FIBIN: variants seen among roughly 807,000 people sequenced by gnomAD.
The protein encoded by FIBIN is fin bud initiation factor homolog (zebrafish).
Under a neutral mutation model 13.0 loss-of-function variants are expected in FIBIN, and 8 were observed. The observed-to-expected ratio is 0.62, with a 90% confidence interval of 0.36 to 1.11. The LOEUF (loss-of-function observed/expected upper bound fraction) is 1.11. FIBIN is among the 50% of genes most tolerant of loss of function. The pLI, the probability that FIBIN is intolerant of heterozygous loss-of-function variation, is 0.02. For synonymous variants in FIBIN, 127 were observed against 114.7 expected (o/e 1.11, Z -0.69); for missense variants, 261 against 260.2 (o/e 1.00, Z -0.02).
In FIBIN at chr11:26,994,767, C is replaced by T. The variant is rs886584234; in HGVS notation, c.241C>T (p.Arg81Trp). The change falls in exon 1 of 1, where the codon CGG becomes TGG. Residue 81 changes from arginine (R) to tryptophan (W), a missense_variant. Transcript: ENST00000318627. ...TGGCAGCCTGCTGAGCCTCACCCTGCGGGAGGAGTTCACCGTGCTGGGCCG... is the reference window on the plus strand; with the variant it reads ...TGGCAGCCTGCTGAGCCTCACCCTGTGGGAGGAGTTCACCGTGCTGGGCCG... The part of the protein sequence containing the change: ...QVGSLLSLTL[R>W]EEFTVLGRQV... The T allele has an allele frequency of 1.2e-6, 2 of 1,612,422 alleles. No individual in the cohort carries two copies. The highest frequency in any genetic ancestry group is 1.7e-6 in the Non-Finnish European group (2 of 1,179,196).
rs565116664 is a variant in FIBIN at position 26,995,762 on chromosome 11, C to G, written c.*600C>G. On this transcript the variant is annotated 3_prime_UTR_variant, in exon 1 of 1. Transcript: ENST00000318627. The stretch of plus-strand genomic sequence containing the variant: ...TATTGCCACAAAACTATAGGCAAAT[C>G]GTGTTTGCAGGGAGATTTCTGATGC... 4 of 166,326 alleles carry G rather than the reference C, an allele frequency of 2.4e-5. No homozygotes were observed. Among genetic ancestry groups the G allele is most frequent in the South Asian group, 2.1e-4 (1 of 4,682 alleles). The allele number at this position is 166,326 out of a possible 1,614,324, so 10.3% of individuals were successfully genotyped here. A position where few individuals can be genotyped will look rare whatever the true frequency, so the allele number is the denominator to read the frequency against.
rs767895015 is a variant in FIBIN at position 26,994,480 on chromosome 11, G to A, written c.-47G>A. On this transcript the variant is annotated 5_prime_UTR_variant, in exon 1 of 1. Transcript: ENST00000318627. ...AAAGACACTCCCTTCCTTGTGCCTG[G>A]GTAAAAAGTCTCCTCCTGGGGTCCC... 3 of 1,534,286 alleles carry A rather than the reference G, an allele frequency of 2.0e-6. No individual in the cohort carries two copies. Among genetic ancestry groups the A allele is most frequent in the East Asian group, 2.3e-5 (1 of 44,084 alleles).
Position 26,995,116 on chromosome 11 carries a change from A to G in FIBIN, c.590A>G (p.His197Arg). The change falls in exon 1 of 1, where the codon CAT becomes CGT. Residue 197 changes from histidine (H) to arginine (R), a missense_variant. Transcript: ENST00000318627. ...YELLALTIRS[H>R]GTRLGRLKND... ...CTGCTGGCCCTCACCATTAGGAGCC[A>G]TGGGACCCGACTAGGTCGGCTGAAA... 4 of 1,613,058 alleles carry G rather than the reference A, an allele frequency of 2.5e-6. No homozygotes were observed. Among genetic ancestry groups the G allele is most frequent in the Non-Finnish European group, 3.4e-6 (4 of 1,179,662 alleles).
Position 26,994,997 on chromosome 11 carries a change from G to A in FIBIN, c.471G>A (p.Arg157=). ...AACAGGACAGCCGGCAGGAGAGCAGGCTCAACGAGGACTTTCTGGGAATGC... is the reference window on the plus strand; with the variant it reads ...AACAGGACAGCCGGCAGGAGAGCAGACTCAACGAGGACTTTCTGGGAATGC... The part of the protein sequence containing the change: ...GQEQDSRQES[R]LNEDFLGMLV... The change falls in exon 1 of 1, where the codon AGG becomes AGA. Residue 157 remains arginine (R), a synonymous_variant. Transcript: ENST00000318627. 1 of 1,614,074 alleles carries A rather than the reference G, an allele frequency of 6.2e-7. No individual in the cohort carries two copies. The highest frequency in any genetic ancestry group is 8.5e-7 in the Non-Finnish European group (1 of 1,180,026).
At position 26,994,721 on chromosome 11, in the gene FIBIN, C is replaced by T. The variant is rs1850904690; in HGVS notation, c.195C>T (p.Ser65=). Residue 65 remains serine, a synonymous_variant, in exon 1 of 1, where the codon TCC becomes TCT. Coordinates refer to ENST00000318627, the MANE Select transcript of FIBIN (RefSeq NM_203371.2). ...GGGTGAGTGACCACAGGCGCTGCTC[C>T]CAGGGGGAGGGGAGCCAGGTTGGCA... The part of the protein sequence containing the change: ...LFRVSDHRRC[S]QGEGSQVGSL... 1.9e-6 allele frequency: 3 copies of T among 1,613,596 alleles called. No individual in the cohort carries two copies. In the African/African-American group the frequency reaches 4.0e-5, roughly 22 times the overall value.
chr11:26,995,776 G>A lies in FIBIN; in HGVS notation c.*614G>A, dbSNP rs1850921056. 1 of 167,122 alleles carries A rather than the reference G, an allele frequency of 6.0e-6. No individual in the cohort carries two copies. Among genetic ancestry groups the A allele is most frequent in the Non-Finnish European group, 1.5e-5 (1 of 68,176 alleles). The allele number at this position is 167,122 out of a possible 1,614,324, so 10.4% of individuals were successfully genotyped here. On this transcript the variant is annotated 3_prime_UTR_variant, in exon 1 of 1. Coordinates refer to ENST00000318627, the MANE Select transcript of FIBIN (RefSeq NM_203371.2). ...TATAGGCAAATCGTGTTTGCAGGGA[G>A]ATTTCTGATGCCTCTGTGGGTGTGT...
At position 26,994,325 on chromosome 11, in the gene FIBIN, C is replaced by A. The variant is rs1320233867; in HGVS notation, c.-202C>A. 2 of 535,774 alleles carry A rather than the reference C, an allele frequency of 3.7e-6. No individual in the cohort carries two copies. Among genetic ancestry groups the A allele is most frequent in the African/African-American group, 1.9e-5 (1 of 52,008 alleles). 33.2% of individuals were successfully genotyped at this position (535,774 alleles called of 1,614,324 possible). A position where few individuals can be genotyped will look rare whatever the true frequency, so the allele number is the denominator to read the frequency against. ...GGGGCGCAAGGGTGGGTGCATCCTGCGCTGCGGCGGGCGCGCTACCCAGAC... is the reference window on the plus strand; with the variant it reads ...GGGGCGCAAGGGTGGGTGCATCCTGAGCTGCGGCGGGCGCGCTACCCAGAC... On this transcript the variant is annotated 5_prime_UTR_variant, in exon 1 of 1. Transcript: ENST00000318627.
rs1485984339 is a variant in FIBIN at position 26,996,981 on chromosome 11, G to A, written c.*1819G>A. On this transcript the variant is annotated 3_prime_UTR_variant, in exon 1 of 1. Coordinates refer to ENST00000318627, the MANE Select transcript of FIBIN (RefSeq NM_203371.2). ...ACTTTTTGTTGCTTTCTAGACTTGT[G>A]TGTAGAAAGAAGATTAATGATCACT... is the stretch of plus-strand genomic sequence containing the variant. Among the ~76,000 whole-genome samples the A allele has an allele frequency of 1.3e-5, 2 of 152,096 alleles. No individual in the cohort carries two copies. Among genetic ancestry groups the A allele is most frequent in the African/African-American group, 4.8e-5 (2 of 41,408 alleles).
Position 26,996,057 on chromosome 11 carries a change from A to G in FIBIN, c.*895A>G, listed in dbSNP as rs1590142842. ...GAAACTTGTACTTCAAGTAGGGGGA[A>G]TCCTAATTCTAATAACTCCTTAGCT... On this transcript the variant is annotated 3_prime_UTR_variant, in exon 1 of 1. Transcript: ENST00000318627. 6.0e-6 allele frequency: 1 copy of G among 166,736 alleles called. No individual in the cohort carries two copies. Among genetic ancestry groups the G allele is most frequent in the East Asian group, 1.9e-4 (1 of 5,202 alleles). 10.3% of individuals were successfully genotyped at this position (166,736 alleles called of 1,614,324 possible).
rs1196952655 is a variant in FIBIN at position 26,995,981 on chromosome 11, C to A, written c.*819C>A. On this transcript the variant is annotated 3_prime_UTR_variant, in exon 1 of 1. Coordinates refer to ENST00000318627, the MANE Select transcript of FIBIN (RefSeq NM_203371.2). ...CCACAAATGCCTATGATTTAGGTTA[C>A]CAATGTATTCTTTCTCATTTGGGGT... 4 of 166,354 alleles carry A rather than the reference C, an allele frequency of 2.4e-5. No individual in the cohort carries two copies. In the South Asian group the frequency reaches 8.3e-4, roughly 34 times the overall value. The allele number at this position is 166,354 out of a possible 1,614,324, so 10.3% of individuals were successfully genotyped here.
Position 26,994,717 on chromosome 11 carries a change from G to A in FIBIN, c.191G>A (p.Cys64Tyr), listed in dbSNP as rs1476079164. ...TTCAGGGTGAGTGACCACAGGCGCT[G>A]CTCCCAGGGGGAGGGGAGCCAGGTT... ...LLFRVSDHRR[C>Y]SQGEGSQVGS... The change falls in exon 1 of 1, where the codon TGC (cysteine) becomes TAC (tyrosine). Residue 64 changes from cysteine (C) to tyrosine (Y), a missense_variant. By Grantham distance (194) the Cys-to-Tyr change is radical (BLOSUM62 -2). Coordinates refer to ENST00000318627, the MANE Select transcript of FIBIN (RefSeq NM_203371.2). 1.2e-6 allele frequency: 2 copies of A among 1,613,494 alleles called. No individual in the cohort carries two copies. The highest frequency in any genetic ancestry group is 3.3e-5 in the Admixed American group (2 of 59,966).
Position 26,995,054 on chromosome 11 carries a change from A to G in FIBIN, c.528A>G (p.Thr176=), listed in dbSNP as rs1162852910. 2.5e-6 allele frequency: 4 copies of G among 1,614,142 alleles called. No individual in the cohort carries two copies. In the African/African-American group the frequency reaches 5.3e-5, roughly 22 times the overall value. Residue 176 remains threonine, a synonymous_variant, in exon 1 of 1, where the codon ACA becomes ACG. Coordinates refer to ENST00000318627, the MANE Select transcript of FIBIN (RefSeq NM_203371.2). ...LVHTRSLLKE[T]LDISVGLRDK... is the part of the protein sequence containing the mutation. The stretch of plus-strand genomic sequence containing the variant: ...ACACCAGGTCCCTGCTGAAGGAGAC[A>G]CTGGACATCTCTGTGGGGCTCAGGG...
At position 26,994,845 on chromosome 11, in the gene FIBIN, T is replaced by C; in HGVS notation, c.319T>C (p.Tyr107His). The part of the protein sequence containing the change: ...VLEGISKSIS[Y>H]DLDGEESYGK... ...GGAGGGCATCAGCAAAAGCATCTCC[T>C]ACGACCTAGACGGGGAAGAGAGCTA... Residue 107 changes from tyrosine to histidine, a missense_variant, in exon 1 of 1, where the codon TAC (tyrosine) becomes CAC (histidine). Physicochemically the swap from Tyr to His is moderately conservative, Grantham distance 83 (BLOSUM62 2). Transcript: ENST00000318627. 3 of 1,597,384 alleles carry C rather than the reference T, an allele frequency of 1.9e-6. 1 individual carries two copies. The South Asian group carries it at 3.4e-5, about 18-fold the overall frequency.
At position 26,994,353 on chromosome 11, in the gene FIBIN, T is replaced by G; in HGVS notation, c.-174T>G. The G allele has an allele frequency of 1.7e-6, 1 of 580,268 alleles. No individual in the cohort carries two copies. 35.9% of individuals were successfully genotyped at this position (580,268 alleles called of 1,614,324 possible). The stretch of plus-strand genomic sequence containing the variant: ...TGCGGCGGGCGCGCTACCCAGACGC[T>G]GGTGTGCAGAGCCACATGAAGCCTG... On this transcript the variant is annotated 5_prime_UTR_variant, in exon 1 of 1. Transcript: ENST00000318627.
At position 26,996,803 on chromosome 11, in the gene FIBIN, GC is replaced by G. The variant is rs1850934229; in HGVS notation, c.*1645del. ...GACTTATCCTCCATCAGTTATAACA[GC>G]CCCTGGTCTTCTTAAATTTAAACAC... On this transcript the variant is annotated 3_prime_UTR_variant, in exon 1 of 1. Coordinates refer to ENST00000318627, the MANE Select transcript of FIBIN (RefSeq NM_203371.2). Among the ~76,000 whole-genome samples, 1 of 152,168 alleles carries G rather than the reference GC, an allele frequency of 6.6e-6. No homozygotes were observed. The highest frequency in any genetic ancestry group is 2.1e-4 in the South Asian group (1 of 4,830).
chr11:26,994,756 G>T lies in FIBIN; in HGVS notation c.230G>T (p.Ser77Ile). 2 of 1,613,308 alleles carry T rather than the reference G, an allele frequency of 1.2e-6. No homozygotes were observed. The highest frequency in any genetic ancestry group is 1.7e-6 in the Non-Finnish European group (2 of 1,179,702). The change falls in exon 1 of 1, where the codon AGC becomes ATC. Residue 77 changes from serine to isoleucine, a missense_variant. By Grantham distance (142) the Ser-to-Ile change is moderately radical. Transcript: ENST00000318627. The part of the protein sequence containing the change: ...GEGSQVGSLL[S>I]LTLREEFTVL... ...GGGAGCCAGGTTGGCAGCCTGCTGAGCCTCACCCTGCGGGAGGAGTTCACC... is the reference window on the plus strand; with the variant it reads ...GGGAGCCAGGTTGGCAGCCTGCTGATCCTCACCCTGCGGGAGGAGTTCACC...
At position 26,994,531 on chromosome 11, in the gene FIBIN, T is replaced by G; in HGVS notation, c.5T>G (p.Val2Gly). The G allele has an allele frequency of 1.2e-6, 2 of 1,600,258 alleles. No homozygotes were observed. The highest frequency in any genetic ancestry group is 1.7e-6 in the Non-Finnish European group (2 of 1,171,266). MVFLKFFCMSFF... is the reference protein window; with the variant it reads MGFLKFFCMSFF... ...TGGCCATCCTGAATATCCAGAATGG[T>G]GTTTCTGAAGTTCTTCTGCATGAGT... The change falls in exon 1 of 1, where the codon GTG (valine) becomes GGG (glycine). Residue 2 changes from valine to glycine, a missense_variant. By Grantham distance (109) the Val-to-Gly change is moderately radical. Coordinates refer to ENST00000318627, the MANE Select transcript of FIBIN (RefSeq NM_203371.2).
chr11:26,995,253 C>T lies in FIBIN; in HGVS notation c.*91C>T, dbSNP rs1850913600. The T allele has an allele frequency of 1.5e-6, 2 of 1,295,578 alleles. No individual in the cohort carries two copies. Among genetic ancestry groups the T allele is most frequent in the Admixed American group, 2.6e-5 (1 of 38,798 alleles). The allele number at this position is 1,295,578 out of a possible 1,614,324, so 80.3% of individuals were successfully genotyped here. A position where few individuals can be genotyped will look rare whatever the true frequency, so the allele number is the denominator to read the frequency against. ...AAGATGGGGCTACATTTCCCCCATA[C>T]CTACTATTTTTTTATATCCCGATTT... is the stretch of plus-strand genomic sequence containing the variant. On this transcript the variant is annotated 3_prime_UTR_variant, in exon 1 of 1. Coordinates refer to ENST00000318627, the MANE Select transcript of FIBIN (RefSeq NM_203371.2).
At position 26,994,711 on chromosome 11, in the gene FIBIN, G is replaced by T; in HGVS notation, c.185G>T (p.Arg62Met). 6.2e-7 allele frequency: 1 copy of T among 1,613,714 alleles called. No homozygotes were observed. Among genetic ancestry groups the T allele is most frequent in the African/African-American group, 1.3e-5 (1 of 74,916 alleles). The part of the protein sequence containing the change: ...CQLLFRVSDH[R>M]RCSQGEGSQV... ...CTGCTCTTCAGGGTGAGTGACCACA[G>T]GCGCTGCTCCCAGGGGGAGGGGAGC... The change falls in exon 1 of 1, where the codon AGG (arginine) becomes ATG (methionine). Residue 62 changes from arginine (R) to methionine (M), a missense_variant. Coordinates refer to ENST00000318627, the MANE Select transcript of FIBIN (RefSeq NM_203371.2).
Sources: gnomAD v4.1 joint callset for allele counts (sites outside exome capture counted in the v4.1 genomes callset) on GRCh38, gnomAD v4.1.1 for gene constraint, MANE v1.5 for transcripts, NCBI Gene and HGNC (gene_info 2026-07-23, HGNC 2026-07-21) for gene names.